TBC1D8: variants seen among roughly 807,000 people sequenced by gnomAD.
TBC1D8 encodes the protein BUB2-like protein 1.
Under a neutral mutation model 118.8 loss-of-function variants are expected in TBC1D8, and 65 were observed. That is an observed-to-expected ratio of 0.55 (90% CI 0.45 to 0.67). The LOEUF is 0.67. TBC1D8 is among the 30% of genes least tolerant of loss of function. The probability of loss-of-function intolerance (pLI) is 0.00; values close to 1 mark genes in which losing one functional copy is unlikely to be tolerated. For missense variants in TBC1D8, 1,376 were observed against 1,471.2 expected, an observed-to-expected ratio of 0.94 and a Z score of 1.06; for synonymous variants, 566 against 595.8, an observed-to-expected ratio of 0.95 and a Z score of 0.73.
At chr2:101,054,672 CTTTTTTTTT>C (rs34465252) in intron 3 of TBC1D8, among the ~76,000 whole-genome samples, 12 of 25,434 alleles carry the variant, frequency 4.7e-4, no homozygotes, top group African/African-American at 2.0e-3. Context: ...CTTTTCTTTT[CTTTTTTTTT>C]TTTTTTTTTT....
intron 2 of TBC1D8, among the ~76,000 whole-genome samples, chr2:101,063,641 G>A (rs1164465151): frequency 1.3e-5 from 2 of 152,100 alleles, no homozygotes; most frequent in Non-Finnish European, 2.9e-5. Flanking sequence ...CTGCATGTCC[G>A]TGACCGCAAA....
At chr2:101,013,402 T>C (rs1253773418) in intron 17 of TBC1D8, among the ~76,000 whole-genome samples, 4 of 152,234 alleles carry the variant, frequency 2.6e-5, no homozygotes, top group Non-Finnish European at 5.9e-5. Flanking sequence ...CATGACCTTA[T>C]TTTTCATTCC....
At chr2:101,093,452 C>T (rs1676183978) in intron 1 of TBC1D8, among the ~76,000 whole-genome samples, 1 of 152,110 alleles carries the variant, frequency 6.6e-6, no homozygotes, top group Non-Finnish European at 1.5e-5. Context: ...AGCGAGTTCA[C>T]ACCAAAACCT....
chr2:101,057,105 G>A (rs1472476150), intron 3 of TBC1D8, among the ~76,000 whole-genome samples: 3 of 152,188 alleles, frequency 2.0e-5, no homozygotes, highest in Non-Finnish European at 4.4e-5. Context: ...TTGGCATAAG[G>A]ATTATTTTGA....
chr2:101,127,413 G>T (rs1678402039), intron 1 of TBC1D8, among the ~76,000 whole-genome samples: 1 of 152,030 alleles, frequency 6.6e-6, no homozygotes. Context: ...AAAAACTCCA[G>T]TCTGGGCTTT....
intron 1 of TBC1D8, among the ~76,000 whole-genome samples, chr2:101,094,253 T>C (rs1022388930): frequency 1.4e-4 from 21 of 152,182 alleles, no homozygotes; most frequent in African/African-American, 2.4e-5. Context: ...GCTGGAAACC[T>C]GTCTACTGGA....
Position 101,090,231 on chromosome 2 carries a change from G to A in TBC1D8, c.261C>T (p.Asp87=), listed in dbSNP as rs376647634. The A allele has an allele frequency of 6.3e-5, 101 of 1,613,678 alleles. No individual in the cohort carries two copies. The highest frequency in any genetic ancestry group is 1.3e-4 in the African/African-American group (10 of 74,902). The change falls in exon 2 of 20, where the codon GAC becomes GAT. Residue 87 remains aspartate, a synonymous_variant. Coordinates refer to ENST00000409318, the MANE Select transcript of TBC1D8 (RefSeq NM_001330348.2). ...IACGELLNGS[D]VYWAIATGAT... is the part of the protein sequence containing the mutation. ...CACCAGTGGCTATGGCCCAGTAAACGTCTGATCCATTCAGTAACTCACCAC... is the reference window on the plus strand; with the variant it reads ...CACCAGTGGCTATGGCCCAGTAAACATCTGATCCATTCAGTAACTCACCAC...
rs538006703 is a variant in TBC1D8, at chr2:101,059,283, A to T, written c.402+138T>A. On this transcript the variant is annotated intron_variant, in intron 3 of 19. Coordinates refer to ENST00000409318, the MANE Select transcript of TBC1D8 (RefSeq NM_001330348.2). ...GACTACAAAGTTAAGACAGGTGATAAATGAAACTTATTTGGCATTACGTAT... is the reference window on the plus strand; with the variant it reads ...GACTACAAAGTTAAGACAGGTGATATATGAAACTTATTTGGCATTACGTAT... 13 of 591,378 alleles carry T rather than the reference A, an allele frequency of 2.2e-5. No homozygotes were observed. The South Asian group carries it at 2.9e-4, about 13-fold the overall frequency. 36.6% of individuals were successfully genotyped at this position (591,378 alleles called of 1,614,324 possible).
chr2:101,102,490 G>T (rs1239651599), intron 1 of TBC1D8, among the ~76,000 whole-genome samples: 1 of 151,316 alleles, frequency 6.6e-6, no homozygotes, highest in Non-Finnish European at 1.5e-5. Flanking sequence ...AAGTATGAAA[G>T]GTCTAAGTAC....
rs996674901 is a variant in TBC1D8 at position 101,151,323 on chromosome 2, C to G, written c.-70G>C. The G allele has an allele frequency of 1.8e-6, 2 of 1,093,304 alleles. No individual in the cohort carries two copies. The highest frequency in any genetic ancestry group is 5.4e-5 in the Admixed American group (1 of 18,552). The allele number at this position is 1,093,304 out of a possible 1,614,324, so 67.7% of individuals were successfully genotyped here. On this transcript the variant is annotated 5_prime_UTR_variant, in exon 1 of 20. Coordinates refer to ENST00000409318, the MANE Select transcript of TBC1D8 (RefSeq NM_001330348.2). The stretch of plus-strand genomic sequence containing the variant: ...CGGCCGCCGGTCGCTGTGAGCCGAG[C>G]CCGCTCGAGAGGCGACGGCGGCGCG...
At position 101,033,688 on chromosome 2, in the gene TBC1D8, G is replaced by C. The variant is rs1304271341; in HGVS notation, c.1674C>G (p.Cys558Trp). The C allele has an allele frequency of 6.2e-7, 1 of 1,613,874 alleles. No homozygotes were observed. Among genetic ancestry groups the C allele is most frequent in the Non-Finnish European group, 8.5e-7 (1 of 1,179,904 alleles). The change falls in exon 10 of 20, where the codon TGC becomes TGG. Residue 558 changes from cysteine (C) to tryptophan (W), a missense_variant. Transcript: ENST00000409318. Reference sequence around the variant, plus strand: ...GTTCTATCTCCTCGGTTACCAGGCAGCATTTCCCCAGGGACTCCTCCACCA... The same window carrying C: ...GTTCTATCTCCTCGGTTACCAGGCACCATTTCCCCAGGGACTCCTCCACCA... ...GNLVEESLGK[C>W]CLVTEEIERD...
At chr2:101,135,533 C>G (rs1678817294) in intron 1 of TBC1D8, among the ~76,000 whole-genome samples, 1 of 152,206 alleles carries the variant, frequency 6.6e-6, no homozygotes, top group African/African-American at 2.4e-5. Context: ...CTCAAATGTT[C>G]TACGTGGAGG....
intron 1 of TBC1D8, among the ~76,000 whole-genome samples, chr2:101,098,670 A>G (rs1676631060): frequency 6.6e-6 from 1 of 152,232 alleles, no homozygotes; most frequent in Non-Finnish European, 1.5e-5. Flanking sequence ...ACAGTCTCTC[A>G]GGCCACAGTG....
chr2:101,090,547 C>T (rs796067), intron 1 of TBC1D8, among the ~76,000 whole-genome samples, 183 bp from the exon 2 acceptor site: 93,246 of 152,142 alleles, frequency 0.61, 28,775 homozygotes, highest in East Asian at 0.81. Context: ...TGTCTGCATC[C>T]GCAGCAGGAC....
At chr2:101,094,048 C>A (rs191379050) in intron 1 of TBC1D8, among the ~76,000 whole-genome samples, 34 of 152,136 alleles carry the variant, frequency 2.2e-4, no homozygotes, top group African/African-American at 7.7e-4. Context: ...TACCAATATC[C>A]CCTCCCCAGC....
At chr2:101,113,765 T>A (rs1275396487) in intron 1 of TBC1D8, among the ~76,000 whole-genome samples, 1 of 151,864 alleles carries the variant, frequency 6.6e-6, no homozygotes, top group Non-Finnish European at 1.5e-5. Context: ...GGCAAAGGGG[T>A]CAGTGAAGGA....
intron 1 of TBC1D8, among the ~76,000 whole-genome samples, chr2:101,099,414 TG>T (rs1317251209): frequency 6.6e-6 from 1 of 152,168 alleles, no homozygotes; most frequent in African/African-American, 2.4e-5. Context: ...GATTCACAGC[TG>T]AATTCTATCA....
intron 1 of TBC1D8, among the ~76,000 whole-genome samples, chr2:101,100,828 C>T (rs1162549911): frequency 6.6e-6 from 1 of 152,174 alleles, no homozygotes; most frequent in Admixed American, 6.5e-5. Flanking sequence ...GGAAAACTGG[C>T]TAGCCACATG....
intron 1 of TBC1D8, among the ~76,000 whole-genome samples, chr2:101,131,887 C>T (rs925921677): frequency 1.9e-4 from 29 of 152,084 alleles, no homozygotes; most frequent in Admixed American, 6.6e-4. Context: ...TAGTTTCAGA[C>T]TTACAATAAA....
Sources: allele counts gnomAD v4.1 joint callset (sites outside exome capture counted in the v4.1 genomes callset), GRCh38; gene constraint gnomAD v4.1.1; transcripts MANE v1.5; gene names NCBI Gene and HGNC (gene_info 2026-07-23, HGNC 2026-07-21).